Variants in CDH18 observed in about 807,000 individuals in gnomAD.
The protein encoded by CDH18 is cadherin-18.
In CDH18, 31 loss-of-function variants were observed where a neutral mutation model predicts 67.9. The ratio of observed to expected loss-of-function variants is 0.46; its 90% CI spans 0.34 to 0.62. The LOEUF (loss-of-function observed/expected upper bound fraction) is 0.62, where lower values mean the gene tolerates loss of function less well. Among genes scored for constraint, CDH18 ranks in the 20% least tolerant of loss-of-function variants. CDH18 has a pLI of 0.01. For missense variants in CDH18, 890 were observed against 975.5 expected, an observed-to-expected ratio of 0.91 and a Z score of 1.17; for synonymous variants, 362 against 347.2, an observed-to-expected ratio of 1.04 and a Z score of -0.48.
chr5:19,735,831 A>C (rs1462924161), intron 4 of CDH18, among the ~76,000 whole-genome samples: 2 of 151,912 alleles, frequency 1.3e-5, no homozygotes, highest in East Asian at 3.9e-4. Flanking sequence ...ATCTCTGTTC[A>C]TTCAAAGGGC....
At chr5:19,961,967 G>T (rs1001319715) in intron 2 of CDH18, among the ~76,000 whole-genome samples, 2 of 151,326 alleles carry the variant, frequency 1.3e-5, no homozygotes, top group African/African-American at 4.9e-5. Context: ...AATAAAATTT[G>T]GAAACTTTTG....
chr5:20,459,950 T>C (rs1031614284), intron 1 of CDH18, among the ~76,000 whole-genome samples: 2 of 152,308 alleles, frequency 1.3e-5, no homozygotes, highest in South Asian at 2.1e-4. Context: ...GTATTTTGAA[T>C]AGATTCTCTC....
At chr5:19,620,300 C>T (rs1034457092) in intron 5 of CDH18, among the ~76,000 whole-genome samples, 2 of 152,092 alleles carry the variant, frequency 1.3e-5, no homozygotes, top group Admixed American at 1.3e-4. Context: ...GTATATACGT[C>T]GTGTATTTAT....
intron 3 of CDH18, among the ~76,000 whole-genome samples, chr5:19,795,313 C>T (rs1158945368): frequency 6.6e-6 from 1 of 152,102 alleles, no homozygotes; most frequent in Non-Finnish European, 1.5e-5. Context: ...GTCATGATTC[C>T]CCATCCTTGT....
intron 1 of CDH18, among the ~76,000 whole-genome samples, chr5:20,396,944 A>G (rs1434188087): frequency 6.6e-6 from 1 of 152,168 alleles, no homozygotes; most frequent in Admixed American, 6.5e-5. Context: ...TCCAATATCT[A>G]TGTGTGTGAG....
chr5:19,717,594 T>C (rs889346795), intron 5 of CDH18, among the ~76,000 whole-genome samples: 2 of 152,092 alleles, frequency 1.3e-5, no homozygotes, highest in African/African-American at 2.4e-5. Flanking sequence ...AATATTGATT[T>C]ATTTTTAACT....
At chr5:20,312,747 A>G (rs1165635443) in intron 1 of CDH18, among the ~76,000 whole-genome samples, 2 of 152,150 alleles carry the variant, frequency 1.3e-5, no homozygotes, top group South Asian at 2.1e-4. Context: ...TTAGTCTTAA[A>G]GATAGTTTAG....
chr5:20,239,864 C>T (rs139375205), intron 2 of CDH18, among the ~76,000 whole-genome samples: 10 of 151,082 alleles, frequency 6.6e-5, no homozygotes, highest in African/African-American at 1.9e-4. Context: ...TATTATCTGG[C>T]TACAATGATG....
At chr5:20,086,325 A>G (rs1744945354) in intron 2 of CDH18, among the ~76,000 whole-genome samples, 1 of 152,228 alleles carries the variant, frequency 6.6e-6, no homozygotes, top group Admixed American at 6.5e-5. Context: ...AGCCATCTCC[A>G]TAACATAAAA....
intron 2 of CDH18, among the ~76,000 whole-genome samples, chr5:19,995,827 C>T (rs1054220344): frequency 3.3e-5 from 5 of 152,028 alleles, no homozygotes; most frequent in African/African-American, 1.2e-4. Flanking sequence ...AAAAGAGAAA[C>T]TACACCTTCC....
intron 1 of CDH18, among the ~76,000 whole-genome samples, chr5:20,374,705 A>G (rs563963165): frequency 6.6e-6 from 1 of 152,180 alleles, no homozygotes; most frequent in South Asian, 2.1e-4. Context: ...AGGGGATTCA[A>G]TGAAGAATTT....
Position 20,154,491 on chromosome 5 carries a change from T to A in CDH18, c.-518+100953A>T, listed in dbSNP as rs1751370079. On this transcript the variant is annotated intron_variant, in intron 2 of 14. Coordinates refer to the CDH18 transcript ENST00000507958. ...TTATTTTACATTTCATTTTTTCCAA[T>A]TGCTTTTGGAGACAAAACAGAATAA... Among the ~76,000 whole-genome samples, 3 of 152,164 alleles carry A rather than the reference T, an allele frequency of 2.0e-5. No homozygotes were observed. In the South Asian group the frequency reaches 6.2e-4, roughly 31 times the overall value.
intron 2 of CDH18, among the ~76,000 whole-genome samples, chr5:19,902,964 A>G (rs1355391099): frequency 6.6e-6 from 1 of 152,116 alleles, no homozygotes; most frequent in Non-Finnish European, 1.5e-5. Flanking sequence ...TTTTACTATC[A>G]TTTTCATTAT....
chr5:20,487,366 A>G (rs967386697), intron 1 of CDH18, among the ~76,000 whole-genome samples: 1 of 149,992 alleles, frequency 6.7e-6, no homozygotes, highest in African/African-American at 2.4e-5. Flanking sequence ...ATATATATAT[A>G]TAAACCTATA....
intron 2 of CDH18, among the ~76,000 whole-genome samples, chr5:19,881,270 T>C (rs1335588727): frequency 6.6e-6 from 1 of 152,172 alleles, no homozygotes; most frequent in Non-Finnish European, 1.5e-5. Context: ...GACAAATATT[T>C]CTTTGTCTTA....
chr5:19,973,879 G>T (rs61193020), intron 2 of CDH18, among the ~76,000 whole-genome samples: 1 of 151,988 alleles, frequency 6.6e-6, no homozygotes, highest in Admixed American at 6.6e-5. Flanking sequence ...TTCATATTGG[G>T]ATCCTTGGAA....
chr5:20,216,703 C>T (rs946571939), intron 2 of CDH18, among the ~76,000 whole-genome samples: 14 of 151,934 alleles, frequency 9.2e-5, no homozygotes, highest in African/African-American at 2.9e-4. Context: ...TAGATTCCTT[C>T]TTGTCCTGCT....
intron 7 of CDH18, among the ~76,000 whole-genome samples, chr5:19,579,842 C>T (rs1742940057): frequency 1.3e-5 from 2 of 151,650 alleles, no homozygotes; most frequent in Admixed American, 6.6e-5. Context: ...CCCATTAGTA[C>T]CCACAAGTAT....
chr5:20,199,977 C>G (rs1739318354), intron 2 of CDH18, among the ~76,000 whole-genome samples: 1 of 152,188 alleles, frequency 6.6e-6, no homozygotes, highest in Admixed American at 6.5e-5. Context: ...CCATATGCAA[C>G]TGTGAATCAA....
Sources: allele counts gnomAD v4.1 joint callset (sites outside exome capture counted in the v4.1 genomes callset), GRCh38; gene constraint gnomAD v4.1.1; transcripts MANE v1.5; gene names NCBI Gene and HGNC (gene_info 2026-07-23, HGNC 2026-07-21).